Variants in AQP9 observed in about 807,000 individuals in gnomAD.
AQP9 encodes aquaporin 9, also known as aquaporin-9.
Under a neutral mutation model 23.8 loss-of-function variants are expected in AQP9, and 19 were observed. That is an observed-to-expected ratio of 0.80 (90% CI 0.56 to 1.17). AQP9 has a LOEUF of 1.17. AQP9 is among the 50% of genes most tolerant of loss of function. The probability of loss-of-function intolerance (pLI) is 0.00; values close to 1 mark genes in which losing one functional copy is unlikely to be tolerated. For synonymous variants in AQP9, 153 were observed against 131.5 expected, an observed-to-expected ratio of 1.16 and a Z score of -1.12; for missense variants, 413 against 362.0, an observed-to-expected ratio of 1.14 and a Z score of -1.14.
At chr15:58,163,707 C>A (rs143919785) in intron 1 of AQP9, among the ~76,000 whole-genome samples, 36 of 152,222 alleles carry the variant, frequency 2.4e-4, no homozygotes, top group Admixed American at 4.6e-4. Flanking sequence ...AAAGGTACGG[C>A]AGTTCTTGAA....
intron 1 of AQP9, chr15:58,152,623 C>A (rs1340370422): frequency 6.6e-6 from 1 of 152,098 alleles, no homozygotes; most frequent in Non-Finnish European, 1.5e-5. Flanking sequence ...TATTATACCA[C>A]TATTATAAAA....
At chr15:58,144,237 T>C (rs1897999884) in intron 1 of AQP9, among the ~76,000 whole-genome samples, 1 of 151,660 alleles carries the variant, frequency 6.6e-6, no homozygotes, top group Non-Finnish European at 1.5e-5. Context: ...ATTTTGTGTT[T>C]TCTTATTGAG....
chr15:58,179,055 G>T, intron 4 of AQP9, 73 bp from the exon 5 acceptor site: 1 of 1,062,594 alleles, frequency 9.4e-7, no homozygotes, highest in South Asian at 1.4e-5. Context: ...AAAATAGTAA[G>T]AAGGGATGAT....
chr15:58,148,494 C>A (rs1898089656), intron 1 of AQP9, among the ~76,000 whole-genome samples: 1 of 152,170 alleles, frequency 6.6e-6, no homozygotes, highest in Non-Finnish European at 1.5e-5. Flanking sequence ...ATGCAGAGAT[C>A]TCCCAGGTTG....
intron 2 of AQP9, among the ~76,000 whole-genome samples, chr15:58,172,022 C>T (rs1305631539): frequency 7.9e-5 from 12 of 152,160 alleles, no homozygotes; most frequent in South Asian, 2.1e-4. Flanking sequence ...TATGCTCAGA[C>T]AATTTTTTTA....
chr15:58,146,630 G>T (rs1898049891), intron 1 of AQP9: 1 of 152,008 alleles, frequency 6.6e-6, no homozygotes, highest in African/African-American at 2.4e-5. Context: ...TTCCTTTAGT[G>T]TTTTATACAT....
intron 1 of AQP9, chr15:58,150,966 T>A (rs1595729873): frequency 1.3e-5 from 2 of 152,224 alleles, no homozygotes; most frequent in East Asian, 3.8e-4. Flanking sequence ...TGAATTGAAT[T>A]GGTAGATAGT....
chr15:58,154,661 C>T (rs1190611093), intron 1 of AQP9, among the ~76,000 whole-genome samples: 1 of 152,070 alleles, frequency 6.6e-6, no homozygotes, highest in Admixed American at 6.6e-5. Flanking sequence ...AATGTCAATA[C>T]TTGACCCTCA....
chr15:58,161,691 C>A (rs1318695997), intron 1 of AQP9, among the ~76,000 whole-genome samples: 2 of 152,176 alleles, frequency 1.3e-5, no homozygotes, highest in Admixed American at 6.5e-5. Context: ...AACCTATTCA[C>A]CCTGAACTGG....
At chr15:58,150,225 A>T (rs959411990) in intron 1 of AQP9, 2 of 152,646 alleles carry the variant, frequency 1.3e-5, no homozygotes, top group Non-Finnish European at 2.9e-5. Flanking sequence ...TTCTTGCATC[A>T]GGAGTTTCAA....
At chr15:58,181,851 C>A (rs1319622402) in intron 5 of AQP9, among the ~76,000 whole-genome samples, 1 of 152,206 alleles carries the variant, frequency 6.6e-6, no homozygotes, top group East Asian at 1.9e-4. Flanking sequence ...GGCTGGTAAT[C>A]CTCAACCAAA....
intron 1 of AQP9, among the ~76,000 whole-genome samples, chr15:58,144,478 T>A (rs144578325): frequency 7.3e-4 from 111 of 152,352 alleles, no homozygotes; most frequent in African/African-American, 1.8e-3. Flanking sequence ...GATCTGTTTG[T>A]CCAAACTTGC....
intron 1 of AQP9, among the ~76,000 whole-genome samples, chr15:58,139,335 G>A (rs28537468): frequency 5.9e-5 from 9 of 152,064 alleles, no homozygotes; most frequent in South Asian, 2.1e-4. Context: ...AACGAGGGAC[G>A]ACTTCTAAGA....
At chr15:58,151,793 G>A (rs1278294405) in intron 1 of AQP9, 3 of 151,972 alleles carry the variant, frequency 2.0e-5, no homozygotes, top group Non-Finnish European at 4.4e-5. Context: ...ACTCCCCAAA[G>A]CCCACGTGGA....
intron 1 of AQP9, chr15:58,146,942 T>G: frequency 6.6e-6 from 1 of 152,358 alleles, no homozygotes; most frequent in Non-Finnish European, 1.5e-5. Flanking sequence ...TCTTTTGACA[T>G]CCTTAGACTT....
chr15:58,147,942 T>G (rs1348744530), intron 1 of AQP9, among the ~76,000 whole-genome samples: 3 of 152,018 alleles, frequency 2.0e-5, no homozygotes, highest in Non-Finnish European at 4.4e-5. Context: ...ACATGCACAC[T>G]TTTTGACAAC....
intron 1 of AQP9, among the ~76,000 whole-genome samples, chr15:58,157,858 C>T (rs1898296061): frequency 6.6e-6 from 1 of 152,128 alleles, no homozygotes; most frequent in African/African-American, 2.4e-5. Flanking sequence ...ATATCTCAGT[C>T]ATCTCTGAGA....
At chr15:58,147,701 C>T (rs1446797458) in intron 1 of AQP9, among the ~76,000 whole-genome samples, 1 of 152,054 alleles carries the variant, frequency 6.6e-6, no homozygotes, top group East Asian at 1.9e-4. Context: ...TATGAGAGTA[C>T]CTCCCGAAAA....
At position 58,185,358 on chromosome 15, in the gene AQP9, T is replaced by C. The variant is rs1899002203; in HGVS notation, c.*1223T>C. The C allele has an allele frequency of 6.6e-6, 1 of 152,668 alleles. No homozygotes were observed. Among genetic ancestry groups the C allele is most frequent in the African/African-American group, 2.4e-5 (1 of 41,450 alleles). 9.5% of individuals were successfully genotyped at this position (152,668 alleles called of 1,614,324 possible). ...AGCCAGAAGTGGAATTGGCAGCTTC[T>C]AGAATATGTACACCTCTGGACAAAA... is the stretch of plus-strand genomic sequence containing the variant. On this transcript the variant is annotated 3_prime_UTR_variant, in exon 6 of 6. Coordinates refer to ENST00000219919, the MANE Select transcript of AQP9 (RefSeq NM_020980.5).
Sources: gnomAD v4.1 joint callset for allele counts (sites outside exome capture counted in the v4.1 genomes callset) on GRCh38, gnomAD v4.1.1 for gene constraint, MANE v1.5 for transcripts, NCBI Gene and HGNC (gene_info 2026-07-23, HGNC 2026-07-21) for gene names.